CTNNA2: variants seen among roughly 807,000 people sequenced by gnomAD.
CTNNA2 encodes catenin alpha-2.
CTNNA2 carries 42 observed loss-of-function variants against 101.0 expected under a neutral mutation model. That is an observed-to-expected ratio of 0.42 (90% CI 0.32 to 0.54). The LOEUF is 0.54. CTNNA2 is among the 20% of genes least tolerant of loss of function. The probability of loss-of-function intolerance (pLI) is 0.14; values close to 1 mark genes in which losing one functional copy is unlikely to be tolerated. For synonymous variants in CTNNA2, 450 were observed against 456.4 expected (o/e 0.99, Z 0.18); for missense variants, 871 against 1,223.1 (o/e 0.71, Z 4.29).
chr2:79,663,050 C>T (rs866220326), intron 2 of CTNNA2, among the ~76,000 whole-genome samples: 2 of 152,104 alleles, frequency 1.3e-5, no homozygotes, highest in African/African-American at 4.8e-5. Context: ...TTATTATCAT[C>T]GATATGCTGA....
intron 7 of CTNNA2, among the ~76,000 whole-genome samples, chr2:80,340,176 G>A (rs893359915): frequency 9.2e-5 from 14 of 152,138 alleles, no homozygotes; most frequent in South Asian, 2.1e-4. Flanking sequence ...CTTCATGGAC[G>A]TGGATAATAA....
At chr2:80,066,956 G>C (rs1049435513) in intron 7 of CTNNA2, among the ~76,000 whole-genome samples, 2 of 152,112 alleles carry the variant, frequency 1.3e-5, no homozygotes, top group Non-Finnish European at 2.9e-5. Flanking sequence ...TGAATCTGGA[G>C]AACAGTATGT....
intron 7 of CTNNA2, among the ~76,000 whole-genome samples, chr2:80,051,306 ATTC>A (rs1696864616): frequency 1.3e-5 from 2 of 152,168 alleles, no homozygotes; most frequent in South Asian, 2.1e-4. Context: ...GGTGCATCCA[ATTC>A]TTCTTTTCTG....
At chr2:79,372,991 A>G (rs1453111957) in intron 3 of CTNNA2, among the ~76,000 whole-genome samples, 1 of 152,238 alleles carries the variant, frequency 6.6e-6, no homozygotes, top group East Asian at 1.9e-4. Context: ...AATGGACAGC[A>G]GCATAGTATA....
At chr2:79,229,199 T>C (rs1674458602) in intron 2 of CTNNA2, among the ~76,000 whole-genome samples, 1 of 152,188 alleles carries the variant, frequency 6.6e-6, no homozygotes, top group Non-Finnish European at 1.5e-5. Context: ...TTGATGCCTC[T>C]GGCTTTTTAC....
chr2:80,302,809 A>G lies in CTNNA2; in HGVS notation c.1057-90402A>G. 1 of 1,613,876 alleles carries G rather than the reference A, an allele frequency of 6.2e-7. No homozygotes were observed. Among genetic ancestry groups the G allele is most frequent in the Non-Finnish European group, 8.5e-7 (1 of 1,179,994 alleles). On this transcript the variant is annotated intron_variant, in intron 7 of 18. Transcript: ENST00000402739. This position sits in a 1 kb window ranked among gnomAD's most constrained non-coding sequence, Gnocchi z 6.4. Reference sequence around the variant, plus strand: ...CCGGGCTGGCGCACTGCAAGTTGCCATCGTAGCGCCCCTGGAAGTTGTTGA... The same window carrying G: ...CCGGGCTGGCGCACTGCAAGTTGCCGTCGTAGCGCCCCTGGAAGTTGTTGA...
intron 2 of CTNNA2, among the ~76,000 whole-genome samples, chr2:79,261,868 A>G (rs1002428074): frequency 2.0e-5 from 3 of 152,256 alleles, no homozygotes; most frequent in East Asian, 3.8e-4. Context: ...AAAACTGTTC[A>G]GCTAACTAGT....
At chr2:80,557,299 A>G (rs1693130420) in intron 12 of CTNNA2, among the ~76,000 whole-genome samples, 1 of 152,208 alleles carries the variant, frequency 6.6e-6, no homozygotes, top group Admixed American at 6.5e-5. Context: ...GAGCAACACA[A>G]AGCAAGCCAT....
chr2:79,195,890 G>A, intron 1 of CTNNA2: 1 of 492,178 alleles, frequency 2.0e-6, no homozygotes, highest in South Asian at 1.5e-5. Flanking sequence ...AAATTAGGGG[G>A]CAGAGGTGCA....
intron 3 of CTNNA2, among the ~76,000 whole-genome samples, chr2:79,345,245 C>T (rs1162163543): frequency 6.6e-6 from 1 of 152,080 alleles, no homozygotes; most frequent in Non-Finnish European, 1.5e-5. Flanking sequence ...TTTCTACATA[C>T]ACTGACCAGT....
In CTNNA2 at chr2:79,744,551, G is replaced by A; in HGVS notation, c.267G>A (p.Leu89=). The part of the protein sequence containing the change: ...AKESQDLKEE[L]VAAVEDVRKQ... ...AGAGTCAAGATCTCAAAGAAGAGTT[G>A]GTGGCTGCTGTAGAGGATGTGCGCA... Residue 89 remains leucine (L), a synonymous_variant, in exon 3 of 19, where the codon TTG becomes TTA. Transcript: ENST00000402739. 1 of 1,613,900 alleles carries A rather than the reference G, an allele frequency of 6.2e-7. No individual in the cohort carries two copies. Among genetic ancestry groups the A allele is most frequent in the Non-Finnish European group, 8.5e-7 (1 of 1,179,884 alleles).
chr2:79,796,555 C>CA (rs1645943935), intron 3 of CTNNA2, among the ~76,000 whole-genome samples: 1 of 152,196 alleles, frequency 6.6e-6, no homozygotes, highest in African/African-American at 2.4e-5. Context: ...GCGGGGCATA[C>CA]AACCAGATTG....
intron 7 of CTNNA2, among the ~76,000 whole-genome samples, chr2:80,007,708 G>C (rs544553701): frequency 1.3e-5 from 2 of 152,278 alleles, no homozygotes; most frequent in East Asian, 3.9e-4. Context: ...TCAGATTTAG[G>C]AGGCTTGGGG....
At chr2:80,229,361 T>A (rs1237552713) in intron 7 of CTNNA2, among the ~76,000 whole-genome samples, 6 of 152,216 alleles carry the variant, frequency 3.9e-5, no homozygotes, top group Non-Finnish European at 8.8e-5. Context: ...GCTGTCTGAT[T>A]GACTGTCTAT....
intron 7 of CTNNA2, among the ~76,000 whole-genome samples, chr2:80,241,488 G>C (rs1437807843): frequency 6.6e-6 from 1 of 151,624 alleles, no homozygotes. Flanking sequence ...TTCATTATGA[G>C]CTATACAGGT....
chr2:80,172,644 C>T (rs1286912930), intron 7 of CTNNA2, among the ~76,000 whole-genome samples: 2 of 152,202 alleles, frequency 1.3e-5, no homozygotes, highest in African/African-American at 4.8e-5. Context: ...AATGTATTGT[C>T]TCATGGCTCT....
At chr2:80,372,956 G>A (rs1248417487) in intron 7 of CTNNA2, among the ~76,000 whole-genome samples, 1 of 152,118 alleles carries the variant, frequency 6.6e-6, no homozygotes, top group Non-Finnish European at 1.5e-5. Flanking sequence ...AATGCCTAGG[G>A]TAGCCCTCCA....
At chr2:80,333,165 T>C (rs2149265965) in intron 7 of CTNNA2, among the ~76,000 whole-genome samples, 1 of 152,310 alleles carries the variant, frequency 6.6e-6, no homozygotes, top group East Asian at 1.9e-4. Flanking sequence ...ATCCCTGTAT[T>C]GGTCTATTGA....
chr2:80,446,936 G>C (rs1470820988), intron 9 of CTNNA2, among the ~76,000 whole-genome samples: 1 of 152,026 alleles, frequency 6.6e-6, no homozygotes. Context: ...GTTAAAAAAA[G>C]AAGGCAAATG....
Sources: allele counts gnomAD v4.1 joint callset (sites outside exome capture counted in the v4.1 genomes callset), GRCh38; gene constraint gnomAD v4.1.1; non-coding constraint Gnocchi (gnomAD v3.1); transcripts MANE v1.5; gene names NCBI Gene and HGNC (gene_info 2026-07-23, HGNC 2026-07-21).